SCIMP: variants seen among roughly 807,000 people sequenced by gnomAD.
SCIMP encodes the protein SLP adapter and CSK-interacting membrane protein.
In SCIMP, 18 loss-of-function variants were observed where a neutral mutation model predicts 22.0. The ratio of observed to expected loss-of-function variants is 0.82; its 90% CI spans 0.56 to 1.21. SCIMP has a LOEUF of 1.21. SCIMP is among the 50% of genes most tolerant of loss of function. SCIMP has a pLI of 0.00. For synonymous variants in SCIMP, 53 were observed against 62.2 expected, an observed-to-expected ratio of 0.85 and a Z score of 0.70; for missense variants, 155 against 171.2, an observed-to-expected ratio of 0.91 and a Z score of 0.53.
rs1371031622 is a variant in SCIMP, at chr17:5,221,279, C to T, written c.209+8G>A. 3.1e-6 allele frequency: 5 copies of T among 1,606,456 alleles called. No homozygotes were observed. The highest frequency in any genetic ancestry group is 3.4e-6 in the Non-Finnish European group (4 of 1,173,152). On this transcript the variant is annotated splice_region_variant and intron_variant, in intron 3 of 4. Coordinates refer to ENST00000574081, the MANE Select transcript of SCIMP (RefSeq NM_207103.3). ...CAGTAAAAAGCGGAAGGATTCCCCC[C>T]TACTTACTCATACATCTTTTCTTCA...
intron 3 of SCIMP, among the ~76,000 whole-genome samples, chr17:5,217,161 C>T (rs1470128173): frequency 6.6e-6 from 1 of 152,136 alleles, no homozygotes; most frequent in African/African-American, 2.4e-5. Context: ...TAGCTCCTCT[C>T]ACTTTCTCCT....
In SCIMP at chr17:5,209,413, G is replaced by A. The variant is rs1195870804; in HGVS notation, c.*1388C>T. ...CCTCCCAAGGAGGTATTAATAGCAA[G>A]GTGGAAGCCTTCATAGAGTCTGGAA... On this transcript the variant is annotated 3_prime_UTR_variant, in exon 5 of 5. Coordinates refer to ENST00000574081, the MANE Select transcript of SCIMP (RefSeq NM_207103.3). 6.6e-6 allele frequency: 1 copy of A among 152,230 alleles called. No homozygotes were observed. Among genetic ancestry groups the A allele is most frequent in the Non-Finnish European group, 1.5e-5 (1 of 68,076 alleles). The allele number at this position is 152,230 out of a possible 1,614,324, so 9.4% of individuals were successfully genotyped here. A position where few individuals can be genotyped will look rare whatever the true frequency, so the allele number is the denominator to read the frequency against.
In SCIMP at chr17:5,221,278, C is replaced by G. The variant is rs774483522; in HGVS notation, c.209+9G>C. The G allele has an allele frequency of 1.9e-6, 3 of 1,604,804 alleles. No homozygotes were observed. Among genetic ancestry groups the G allele is most frequent in the Non-Finnish European group, 2.6e-6 (3 of 1,171,656 alleles). Reference sequence around the variant, plus strand: ...ACAGTAAAAAGCGGAAGGATTCCCCCCTACTTACTCATACATCTTTTCTTC... The same window carrying G: ...ACAGTAAAAAGCGGAAGGATTCCCCGCTACTTACTCATACATCTTTTCTTC... On this transcript the variant is annotated intron_variant, in intron 3 of 4. Transcript: ENST00000574081.
intron 1 of SCIMP, among the ~76,000 whole-genome samples, chr17:5,229,832 T>G (rs915211592): frequency 1.6e-5 from 1 of 63,024 alleles, no homozygotes; most frequent in Non-Finnish European, 3.2e-5. Flanking sequence ...TCCCCTCCCC[T>G]TCCCCCATCT....
chr17:5,218,181 A>ATGCC (rs2074579745), intron 3 of SCIMP, among the ~76,000 whole-genome samples: 1 of 151,494 alleles, frequency 6.6e-6, no homozygotes, highest in African/African-American at 2.4e-5. Context: ...AGACACCACC[A>ATGCC]CACCTGGCTA....
At chr17:5,232,112 G>A (rs902863552) in intron 1 of SCIMP, among the ~76,000 whole-genome samples, 3 of 152,018 alleles carry the variant, frequency 2.0e-5, no homozygotes, top group Non-Finnish European at 4.4e-5. Flanking sequence ...GCGATGAGCA[G>A]AATGGGCCTC....
Position 5,223,379 on chromosome 17 carries a change from A to G in SCIMP, c.99T>C (p.Gly33=), listed in dbSNP as rs2641256. 0.64 allele frequency: 1,038,535 copies of G among 1,611,498 alleles called. 347,473 individuals are homozygous for G. Among genetic ancestry groups the G allele is most frequent in the Non-Finnish European group, 0.7 (829,233 of 1,178,674 alleles). ...AGACACAGTACAGGATGAGGCCCAG[A>G]CCCACAGAGACAACGATGATGGCCA... is the stretch of plus-strand genomic sequence containing the variant. The part of the protein sequence containing the change: ...LAVAIIVVSV[G]LGLILYCVCK... The change falls in exon 2 of 5, where the codon GGT becomes GGC. Residue 33 remains glycine (G), a synonymous_variant. Transcript: ENST00000574081.
At chr17:5,225,433 C>G (rs756022230) in intron 1 of SCIMP, among the ~76,000 whole-genome samples, 38 of 151,918 alleles carry the variant, frequency 2.5e-4, no homozygotes, top group Non-Finnish European at 4.9e-4. Context: ...CCACTACATT[C>G]CAGCCTGGAC....
intron 1 of SCIMP, among the ~76,000 whole-genome samples, chr17:5,232,405 A>ACAGTG (rs2074708708): frequency 1.8e-4 from 6 of 33,226 alleles, no homozygotes; most frequent in South Asian, 1.8e-3. Context: ...AACAGTATAA[A>ACAGTG]CAGTGCAAAC....
At chr17:5,227,459 G>T (rs948184132) in intron 1 of SCIMP, among the ~76,000 whole-genome samples, 3 of 152,054 alleles carry the variant, frequency 2.0e-5, no homozygotes, top group Non-Finnish European at 2.9e-5. Flanking sequence ...CAAGTGATCC[G>T]CATGCCTCGG....
intron 1 of SCIMP, among the ~76,000 whole-genome samples, chr17:5,232,063 A>AC (rs982652846): frequency 4.8e-5 from 7 of 146,654 alleles, no homozygotes; most frequent in South Asian, 2.1e-4. Context: ...CTCAAAAACA[A>AC]AAAAAAAAAA....
At chr17:5,214,581 T>G in intron 4 of SCIMP, 1 of 183,754 alleles carries the variant, frequency 5.4e-6, no homozygotes, top group Non-Finnish European at 1.1e-5. Flanking sequence ...TGGCTCACGC[T>G]TATAATCCCA....
chr17:5,231,845 G>A lies in SCIMP; in HGVS notation c.21+2890C>T, dbSNP rs1337919110. Among the ~76,000 whole-genome samples, 7 of 152,172 alleles carry A rather than the reference G, an allele frequency of 4.6e-5. No individual in the cohort carries two copies. In the South Asian group the frequency reaches 1.4e-3, roughly 32 times the overall value. ...TGAGGCGGGCGGATCACGAGGTCAG[G>A]AGATCAAGACCATCCTGGCTAACAC... On this transcript the variant is annotated intron_variant, in intron 1 of 4. Transcript: ENST00000574081.
chr17:5,232,541 C>T (rs920385925), intron 1 of SCIMP, among the ~76,000 whole-genome samples: 25 of 151,332 alleles, frequency 1.7e-4, no homozygotes, highest in East Asian at 1.5e-3. Flanking sequence ...CTTTGGACTT[C>T]GGCAGGCCTG....
intron 1 of SCIMP, among the ~76,000 whole-genome samples, chr17:5,231,585 G>T (rs1310908453): frequency 6.6e-6 from 1 of 152,076 alleles, no homozygotes; most frequent in Non-Finnish European, 1.5e-5. Flanking sequence ...GACTAGGCTT[G>T]CACAGATTGC....
At chr17:5,221,112 G>A in intron 3 of SCIMP, 175 bp downstream of exon 3, 2 of 697,604 alleles carry the variant, frequency 2.9e-6, no homozygotes, top group East Asian at 2.7e-5. Context: ...GCCCTGCATC[G>A]ACAATGTCCT....
At chr17:5,225,924 G>A (rs1352830087) in intron 1 of SCIMP, among the ~76,000 whole-genome samples, 1 of 152,084 alleles carries the variant, frequency 6.6e-6, no homozygotes, top group African/African-American at 2.4e-5. Flanking sequence ...CTATCTCTGG[G>A]TCTATAGTGC....
At chr17:5,233,973 C>G (rs2074723163) in intron 1 of SCIMP, 1 of 152,184 alleles carries the variant, frequency 6.6e-6, no homozygotes, top group Non-Finnish European at 1.5e-5. Flanking sequence ...CCAGGTCTTT[C>G]ATCCAAGAGC....
intron 3 of SCIMP, chr17:5,221,070 A>AAG (rs746732086): frequency 4.2e-5 from 27 of 635,840 alleles, no homozygotes; most frequent in Admixed American, 1.1e-4. Flanking sequence ...AAAAAAAAAA[A>AAG]AGAGAGAGAG....
Sources: allele counts gnomAD v4.1 joint callset (sites outside exome capture counted in the v4.1 genomes callset), GRCh38; gene constraint gnomAD v4.1.1; transcripts MANE v1.5; gene names NCBI Gene and HGNC (gene_info 2026-07-23, HGNC 2026-07-21).